Variants in UGT1A8 observed in about 807,000 individuals in gnomAD.
The protein encoded by UGT1A8 is UDP glucuronosyltransferase family 1 member A8.
UGT1A8 carries 39 observed loss-of-function variants against 45.3 expected under a neutral mutation model. The ratio of observed to expected loss-of-function variants is 0.86; its 90% CI spans 0.67 to 1.12. The LOEUF is 1.12. UGT1A8 is among the 50% of genes most tolerant of loss of function. The pLI is 0.00. For missense variants in UGT1A8, 719 were observed against 664.9 expected, an observed-to-expected ratio of 1.08 and a Z score of -0.90; for synonymous variants, 275 against 249.2, an observed-to-expected ratio of 1.10 and a Z score of -0.97.
At chr2:233,751,514 C>T (rs1694746384) in intron 1 of UGT1A8, among the ~76,000 whole-genome samples, 1 of 152,154 alleles carries the variant, frequency 6.6e-6, no homozygotes, top group Non-Finnish European at 1.5e-5. Context: ...GGCCAGAGGG[C>T]AGAATGATAT....
chr2:233,639,617 C>T (rs1282694534), intron 1 of UGT1A8, among the ~76,000 whole-genome samples: 1 of 152,126 alleles, frequency 6.6e-6, no homozygotes, highest in Non-Finnish European at 1.5e-5. Flanking sequence ...TGTGTATGTG[C>T]AGGTGTGTTT....
intron 1 of UGT1A8, chr2:233,690,588 G>GA (rs144486213): frequency 0.039 from 32,870 of 839,158 alleles, no homozygotes; most frequent in South Asian, 0.07. Flanking sequence ...CAATCCCTGA[G>GA]AAAAAAAAAA....
intron 1 of UGT1A8, among the ~76,000 whole-genome samples, chr2:233,667,526 A>G (rs944903274): frequency 6.6e-6 from 1 of 152,222 alleles, no homozygotes; most frequent in Non-Finnish European, 1.5e-5. Flanking sequence ...GCCAAAATTG[A>G]CAAATGGGAT....
intron 1 of UGT1A8, chr2:233,719,131 A>T: frequency 2.5e-6 from 4 of 1,614,200 alleles, no homozygotes; most frequent in Non-Finnish European, 3.4e-6. Flanking sequence ...TTTGAAACAG[A>T]ACATCTTCTG....
At chr2:233,632,267 A>G (rs1214084269) in intron 1 of UGT1A8, among the ~76,000 whole-genome samples, 4 of 152,144 alleles carry the variant, frequency 2.6e-5, no homozygotes, top group East Asian at 1.9e-4. Context: ...GTCAGGTAGC[A>G]TGATGCCTCC....
intron 1 of UGT1A8, among the ~76,000 whole-genome samples, chr2:233,632,534 T>A (rs2073209180): frequency 6.6e-6 from 1 of 152,226 alleles, no homozygotes; most frequent in African/African-American, 2.4e-5. Flanking sequence ...GTAGTTCTCC[T>A]TGAAGAGGTC....
chr2:233,729,414 C>T (rs1422584359), intron 1 of UGT1A8: 3 of 1,613,716 alleles, frequency 1.9e-6, no homozygotes, highest in Non-Finnish European at 2.5e-6. Context: ...TGCTGGGCCA[C>T]ACTCAACTGT....
intron 1 of UGT1A8, chr2:233,672,340 T>C: frequency 1.2e-6 from 2 of 1,614,168 alleles, no homozygotes; most frequent in Non-Finnish European, 1.7e-6. Flanking sequence ...ATTAGTAGAA[T>C]ACTTAAAGGA....
chr2:233,724,121 C>T (rs2077171215), intron 1 of UGT1A8, among the ~76,000 whole-genome samples: 1 of 117,216 alleles, frequency 8.5e-6, no homozygotes. Context: ...GCAGAGGCGC[C>T]CCTCACCTCC....
chr2:233,666,896 G>A (rs542125318), intron 1 of UGT1A8, among the ~76,000 whole-genome samples: 20 of 150,220 alleles, frequency 1.3e-4, no homozygotes, highest in African/African-American at 3.9e-4. Context: ...GAGAACATGC[G>A]GTGTTTGGTT....
chr2:233,662,565 A>G (rs534391277), intron 1 of UGT1A8, among the ~76,000 whole-genome samples: 6 of 152,310 alleles, frequency 3.9e-5, no homozygotes, highest in African/African-American at 1.4e-4. Context: ...CCCATAGATG[A>G]TCATGTTGAC....
intron 1 of UGT1A8, chr2:233,754,390 C>T (rs1695467678): frequency 3.3e-6 from 1 of 303,086 alleles, no homozygotes; most frequent in Admixed American, 4.5e-5. Context: ...AACAGAGGTC[C>T]TATCCGTGCA....
At chr2:233,685,599 A>G (rs959386041) in intron 1 of UGT1A8, among the ~76,000 whole-genome samples, 2 of 152,200 alleles carry the variant, frequency 1.3e-5, no homozygotes, top group Non-Finnish European at 2.9e-5. Context: ...CCTCCCTCCA[A>G]GATTATTTAT....
rs1697701353 is a variant in UGT1A8, at chr2:233,761,179, G to A, written c.856-5855G>A. ...GTGTATTGGAGTGGGACTTTTACAT[G>A]CGTATATTCTTTCAGATGTATTACT... On this transcript the variant is annotated intron_variant, in intron 1 of 4. Transcript: ENST00000373450. 3 of 1,614,024 alleles carry A rather than the reference G, an allele frequency of 1.9e-6. No individual in the cohort carries two copies. In the South Asian group the frequency reaches 3.3e-5, roughly 18 times the overall value.
At chr2:233,766,358 C>G (rs1222221070) in intron 1 of UGT1A8, among the ~76,000 whole-genome samples, 1 of 152,148 alleles carries the variant, frequency 6.6e-6, no homozygotes, top group Non-Finnish European at 1.5e-5. Context: ...CTGCCGGTGC[C>G]TGTTGGTGAG....
Position 233,643,080 on chromosome 2 carries a change from T to C in UGT1A8, c.855+24518T>C, listed in dbSNP as rs573550695. 7.9e-5 allele frequency among the ~76,000 whole-genome samples: 12 copies of C among 152,316 alleles called. No individual in the cohort carries two copies. The South Asian group carries it at 2.3e-3, about 29-fold the overall frequency. ...TACTGCCTATGTTTGCTCAACGCCC[T>C]TGGGCTTTACAATCAGCAGGTGATA... On this transcript the variant is annotated intron_variant, in intron 1 of 4. Transcript: ENST00000373450.
chr2:233,654,506 A>G (rs776971202), intron 1 of UGT1A8, among the ~76,000 whole-genome samples: 7 of 152,246 alleles, frequency 4.6e-5, no homozygotes, highest in Non-Finnish European at 7.3e-5. Context: ...TCAGTGATTA[A>G]GGAATAGAAA....
intron 1 of UGT1A8, among the ~76,000 whole-genome samples, chr2:233,631,509 T>C (rs1412213540): frequency 3.3e-5 from 5 of 152,160 alleles, no homozygotes; most frequent in Non-Finnish European, 5.9e-5. Flanking sequence ...CGTTCTTTCC[T>C]GAGTTTTAAT....
intron 1 of UGT1A8, among the ~76,000 whole-genome samples, chr2:233,707,020 A>G (rs1443215716): frequency 6.6e-6 from 1 of 152,188 alleles, no homozygotes; most frequent in African/African-American, 2.4e-5. Flanking sequence ...ATCCATGGTC[A>G]GCCAGCCCCC....
Sources: gnomAD v4.1 joint callset for allele counts (sites outside exome capture counted in the v4.1 genomes callset) on GRCh38, gnomAD v4.1.1 for gene constraint, MANE v1.5 for transcripts, NCBI Gene and HGNC (gene_info 2026-07-23, HGNC 2026-07-21) for gene names.